FRMD4B: variants seen among roughly 807,000 people sequenced by gnomAD.
The protein encoded by FRMD4B is FERM domain-containing protein 4B.
A neutral mutation model predicts 141.5 loss-of-function variants in FRMD4B; 74 were observed. The ratio of observed to expected loss-of-function variants is 0.52; its 90% CI spans 0.43 to 0.63. The LOEUF (loss-of-function observed/expected upper bound fraction) is 0.63, where lower values mean the gene tolerates loss of function less well. FRMD4B is among the 30% of genes least tolerant of loss of function. FRMD4B has a pLI of 0.00. For missense variants in FRMD4B, 1,366 were observed against 1,253.4 expected, an observed-to-expected ratio of 1.09 and a Z score of -1.36; for synonymous variants, 506 against 467.9, an observed-to-expected ratio of 1.08 and a Z score of -1.05.
intron 5 of FRMD4B, among the ~76,000 whole-genome samples, chr3:69,279,707 T>C (rs1462002487): frequency 7.5e-4 from 16 of 21,296 alleles, no homozygotes; most frequent in Admixed American, 1.2e-3. Flanking sequence ...CCTTCTCCTC[T>C]TCCCCTCCTC....
At chr3:69,177,665 A>C (rs2092662089) in intron 21 of FRMD4B, among the ~76,000 whole-genome samples, 1 of 152,204 alleles carries the variant, frequency 6.6e-6, no homozygotes, top group Admixed American at 6.5e-5. Flanking sequence ...AGAAAATAAT[A>C]ATAACACATA....
chr3:69,426,321 C>CGTGTGTGT (rs55653336), intron 2 of FRMD4B, among the ~76,000 whole-genome samples: 17 of 149,720 alleles, frequency 1.1e-4, no homozygotes, highest in African/African-American at 4.2e-4. Flanking sequence ...CTTTTAAAAG[C>CGTGTGTGT]GTGTGTGTGT....
chr3:69,515,329 T>C (rs1290811902), intron 1 of FRMD4B, among the ~76,000 whole-genome samples: 1 of 152,074 alleles, frequency 6.6e-6, no homozygotes, highest in East Asian at 1.9e-4. Context: ...CCACATGAGA[T>C]TTGGGTGGGG....
chr3:69,430,649 A>G (rs1194474509), intron 2 of FRMD4B, among the ~76,000 whole-genome samples: 1 of 152,228 alleles, frequency 6.6e-6, no homozygotes, highest in Non-Finnish European at 1.5e-5. Context: ...CCAGGAGAGA[A>G]GGCAGGTGAA....
chr3:69,316,810 A>G (rs2107258206), intron 1 of FRMD4B, among the ~76,000 whole-genome samples: 1 of 152,342 alleles, frequency 6.6e-6, no homozygotes, highest in Non-Finnish European at 1.5e-5. Context: ...CATAATCCAA[A>G]TAAGTTTATT....
Position 69,181,135 on chromosome 3 carries a change from G to T in FRMD4B, c.2615C>A (p.Thr872Asn), listed in dbSNP as rs1431511327. The T allele has an allele frequency of 6.2e-7, 1 of 1,613,864 alleles. No individual in the cohort carries two copies. Among genetic ancestry groups the T allele is most frequent in the East Asian group, 2.2e-5 (1 of 44,886 alleles). The part of the protein sequence containing the change: ...VDRVPHNPYA[T>N]LRLPRKAAAK... The stretch of plus-strand genomic sequence containing the variant: ...AGCAGCCTTCCTTGGCAGCCGGAGA[G>T]TTGCATATGGGTTATGGGGTACCCG... The change falls in exon 21 of 23, where the codon ACT (threonine) becomes AAT (asparagine). Residue 872 changes from threonine (T) to asparagine (N), a missense_variant. Thr to Asn is a moderately conservative substitution (Grantham distance 65). Coordinates refer to ENST00000398540, the MANE Select transcript of FRMD4B (RefSeq NM_015123.3).
chr3:69,173,922 A>G (rs992058107), intron 22 of FRMD4B, among the ~76,000 whole-genome samples: 1 of 152,150 alleles, frequency 6.6e-6, no homozygotes. Flanking sequence ...GTGGATCATG[A>G]GGTCAGGAGT....
intron 16 of FRMD4B, among the ~76,000 whole-genome samples, chr3:69,194,812 C>T (rs148928351): frequency 6.6e-6 from 1 of 152,244 alleles, no homozygotes; most frequent in East Asian, 1.9e-4. Flanking sequence ...TCACTGAATG[C>T]CTATGATTTG....
chr3:69,271,104 C>T (rs1410664008), intron 5 of FRMD4B, among the ~76,000 whole-genome samples: 3 of 152,030 alleles, frequency 2.0e-5, no homozygotes, highest in African/African-American at 7.2e-5. Flanking sequence ...ATTCTTGTAG[C>T]CCATTTCTGA....
chr3:69,451,109 A>G (rs1214656543), intron 1 of FRMD4B, among the ~76,000 whole-genome samples: 1 of 152,212 alleles, frequency 6.6e-6, no homozygotes, highest in African/African-American at 2.4e-5. Flanking sequence ...CAGTGCTTCC[A>G]GGAACCAGCA....
chr3:69,217,838 A>G (rs1274987042), intron 10 of FRMD4B, among the ~76,000 whole-genome samples: 3 of 152,112 alleles, frequency 2.0e-5, no homozygotes, highest in Non-Finnish European at 4.4e-5. Flanking sequence ...AAATATGTCA[A>G]TCTCTCCCTG....
chr3:69,327,719 A>T (rs531598411), intron 1 of FRMD4B, among the ~76,000 whole-genome samples: 1 of 152,334 alleles, frequency 6.6e-6, no homozygotes, highest in Admixed American at 6.5e-5. Context: ...GTTGGTAGAA[A>T]CATCATATTT....
intron 1 of FRMD4B, among the ~76,000 whole-genome samples, chr3:69,449,643 C>A (rs1705464610): frequency 6.6e-6 from 1 of 152,136 alleles, no homozygotes; most frequent in African/African-American, 2.4e-5. Context: ...TGAGGTCAGA[C>A]AACCAGCTAA....
chr3:69,184,650 T>A (rs2092745696), intron 19 of FRMD4B, among the ~76,000 whole-genome samples: 1 of 152,224 alleles, frequency 6.6e-6, no homozygotes, highest in Non-Finnish European at 1.5e-5. Flanking sequence ...TATAATAATT[T>A]TTAAGACAAT....
chr3:69,450,923 A>G (rs1259395981), intron 1 of FRMD4B, among the ~76,000 whole-genome samples: 1 of 152,234 alleles, frequency 6.6e-6, no homozygotes, highest in Non-Finnish European at 1.5e-5. Context: ...AAATTTAAAC[A>G]GTTATCTGAA....
At chr3:69,480,480 G>A (rs1452338356) in intron 1 of FRMD4B, among the ~76,000 whole-genome samples, 3 of 152,160 alleles carry the variant, frequency 2.0e-5, no homozygotes, top group African/African-American at 4.8e-5. Flanking sequence ...CACTCCGGAC[G>A]CTGTTTGCCT....
At chr3:69,453,649 C>T (rs1242632101) in intron 1 of FRMD4B, among the ~76,000 whole-genome samples, 1 of 152,160 alleles carries the variant, frequency 6.6e-6, no homozygotes, top group African/African-American at 2.4e-5. Flanking sequence ...AGCATGGCTT[C>T]CCAGTGGGGG....
chr3:69,540,660 T>TATATATATATATACACACACAC (rs1241897477), intron 1 of FRMD4B, among the ~76,000 whole-genome samples: 2 of 56,872 alleles, frequency 3.5e-5, no homozygotes, highest in African/African-American at 2.1e-4. Context: ...TATATATATA[T>TATATATATATATACACACACAC]ACACACACAC....
chr3:69,243,867 G>C (rs2093405970), intron 7 of FRMD4B, among the ~76,000 whole-genome samples: 1 of 152,224 alleles, frequency 6.6e-6, no homozygotes, highest in Non-Finnish European at 1.5e-5. Context: ...CCAACGTGGT[G>C]AAACCCCGTC....
Sources: allele counts gnomAD v4.1 joint callset (sites outside exome capture counted in the v4.1 genomes callset), GRCh38; gene constraint gnomAD v4.1.1; transcripts MANE v1.5; gene names NCBI Gene and HGNC (gene_info 2026-07-23, HGNC 2026-07-21).